Variants in CETP observed in about 807,000 individuals in gnomAD.
CETP encodes cholesteryl ester transfer protein, also known as BPI fold containing family F.
A neutral mutation model predicts 66.5 loss-of-function variants in CETP; 56 were observed. The observed-to-expected ratio is 0.84, with a 90% CI of 0.68 to 1.05. CETP has a LOEUF of 1.05. Among genes scored for constraint, CETP ranks in the 50% least tolerant of loss-of-function variants. The probability of loss-of-function intolerance (pLI) is 0.00; values close to 1 mark genes in which losing one functional copy is unlikely to be tolerated. For missense variants in CETP, 612 were observed against 609.6 expected (o/e 1.00, Z -0.04); for synonymous variants, 251 against 245.7 (o/e 1.02, Z -0.20).
Position 56,969,749 on chromosome 16 carries a change from G to A in CETP, c.439+68G>A, listed in dbSNP as rs35752722. On this transcript the variant is annotated intron_variant, in intron 4 of 15. Transcript: ENST00000200676. ...AGGGCTTGGCCTCAGCAGAGGGGGAGGTTGTGCAGGCAGAGGGTTCTGGGG... is the reference window on the plus strand; with the variant it reads ...AGGGCTTGGCCTCAGCAGAGGGGGAAGTTGTGCAGGCAGAGGGTTCTGGGG... 2.9e-4 allele frequency: 463 copies of A among 1,590,164 alleles called. 1 individual carries two copies. The African/African-American group carries it at 3.5e-3, about 12-fold the overall frequency.
In CETP at chr16:56,971,117, C is replaced by A; in HGVS notation, c.597+15C>A. 1 of 1,612,908 alleles carries A rather than the reference C, an allele frequency of 6.2e-7. No homozygotes were observed. Reference sequence around the variant, plus strand: ...TGAAGGGACAGGTGAGTGAGGCTGGCTGACTCCCTGTGGTCCAGGGCCATG... The same window carrying A: ...TGAAGGGACAGGTGAGTGAGGCTGGATGACTCCCTGTGGTCCAGGGCCATG... On this transcript the variant is annotated intron_variant, in intron 6 of 15. Coordinates refer to ENST00000200676, the MANE Select transcript of CETP (RefSeq NM_000078.3).
At chr16:56,979,519 T>G (rs1247614117) in intron 11 of CETP, among the ~76,000 whole-genome samples, 2 of 151,356 alleles carry the variant, frequency 1.3e-5, no homozygotes, top group African/African-American at 4.9e-5. Flanking sequence ...TATCTTCAAT[T>G]TTTTTTTTTG....
intron 10 of CETP, 84 bp downstream of exon 10, chr16:56,975,235 A>C: frequency 8.6e-7 from 1 of 1,165,692 alleles, no homozygotes; most frequent in Non-Finnish European, 1.3e-6. Context: ...ACAGCCAATA[A>C]CACCACCAAT....
At position 56,973,499 on chromosome 16, in the gene CETP, G is replaced by A; in HGVS notation, c.919G>A (p.Asp307Asn). ...CCGCCTCATGCTCAGCCTGATGGGAGACGAGTTCAAGGTGAGTGGGTGGGG... is the reference window on the plus strand; with the variant it reads ...CCGCCTCATGCTCAGCCTGATGGGAAACGAGTTCAAGGTGAGTGGGTGGGG... Reference protein sequence around the residue: ...DGRLMLSLMGDEFKAVLETWG... With the variant: ...DGRLMLSLMGNEFKAVLETWG... Residue 307 changes from aspartate (D) to asparagine (N), a missense_variant, in exon 9 of 16, where the codon GAC becomes AAC. By Grantham distance (23) the Asp-to-Asn change is conservative. Coordinates refer to ENST00000200676, the MANE Select transcript of CETP (RefSeq NM_000078.3). 6.2e-7 allele frequency: 1 copy of A among 1,614,172 alleles called. No individual in the cohort carries two copies. The highest frequency in any genetic ancestry group is 8.5e-7 in the Non-Finnish European group (1 of 1,180,034).
chr16:56,969,390 C>CA lies in CETP; in HGVS notation c.239dup (p.Ile81AspfsTer20), dbSNP rs2056091212. 1 of 1,613,952 alleles carries CA rather than the reference C, an allele frequency of 6.2e-7. No individual in the cohort carries two copies. ...CTCACTTCCATTCCTTCCCAGCATC[C>CA]AGATCAGCCACTTGTCCATCGCCAG... On this transcript the variant is annotated frameshift_variant, in exon 3 of 16. Coordinates refer to ENST00000200676, the MANE Select transcript of CETP (RefSeq NM_000078.3). LOFTEE classifies it high-confidence loss of function.
intron 1 of CETP, 36 bp from the exon 2 acceptor site, chr16:56,962,974 G>A (rs1470363222): frequency 6.3e-7 from 1 of 1,577,476 alleles, no homozygotes; most frequent in Non-Finnish European, 8.7e-7. Flanking sequence ...GCTTGGTGTG[G>A]GCCTGCAGCC....
chr16:56,970,111 A>T, intron 5 of CETP, 110 bp downstream of exon 5: 3 of 977,316 alleles, frequency 3.1e-6, no homozygotes, highest in Non-Finnish European at 4.7e-6. Flanking sequence ...GGGTGGCCAA[A>T]CCTGAGGGCA....
At chr16:56,967,707 A>G (rs529161015) in intron 2 of CETP, among the ~76,000 whole-genome samples, 1 of 152,202 alleles carries the variant, frequency 6.6e-6, no homozygotes, top group East Asian at 1.9e-4. Flanking sequence ...TAGAACTGAA[A>G]GAGGATTGGA....
chr16:56,981,736 A>G, intron 13 of CETP, 56 bp downstream of exon 13: 8 of 1,577,988 alleles, frequency 5.1e-6, no homozygotes, highest in Non-Finnish European at 7.0e-6. Context: ...TCCTGCCTTA[A>G]AGAAAGCAGG....
intron 5 of CETP, 150 bp downstream of exon 5, chr16:56,970,151 C>T (rs1434209629): frequency 2.8e-6 from 2 of 719,804 alleles, no homozygotes; most frequent in Non-Finnish European, 5.0e-6. Flanking sequence ...CACTTCCTAC[C>T]CCCTCCCATC....
At chr16:56,970,043 A>G in intron 5 of CETP, 42 bp downstream of exon 5, 1 of 1,584,052 alleles carries the variant, frequency 6.3e-7, no homozygotes. Flanking sequence ...GCTCGTGCCC[A>G]TCCTGTTAGT....
chr16:56,975,116 T>C lies in CETP; in HGVS notation c.946T>C (p.Trp316Arg). Residue 316 changes from tryptophan to arginine, a missense_variant, in exon 10 of 16, where the codon TGG becomes CGG. Physicochemically the swap from Trp to Arg is moderately radical, Grantham distance 101 (BLOSUM62 -3). Transcript: ENST00000200676. ...TTCTTTTCAGGCAGTGCTGGAGACC[T>C]GGGGCTTCAACACCAACCAGGAAAT... The part of the protein sequence containing the change: ...GDEFKAVLET[W>R]GFNTNQEIFQ... The C allele has an allele frequency of 1.9e-6, 3 of 1,614,134 alleles. No individual in the cohort carries two copies. Among genetic ancestry groups the C allele is most frequent in the South Asian group, 1.1e-5 (1 of 91,084 alleles).
chr16:56,974,170 AAAAC>A (rs2056133623), intron 9 of CETP, among the ~76,000 whole-genome samples: 1 of 152,152 alleles, frequency 6.6e-6, no homozygotes, highest in Non-Finnish European at 1.5e-5. Context: ...AAAACAATAT[AAAAC>A]AATATGAGAG....
chr16:56,962,897 C>G, intron 1 of CETP, 113 bp from the exon 2 acceptor site: 2 of 887,416 alleles, frequency 2.3e-6, no homozygotes, highest in Non-Finnish European at 3.7e-6. Context: ...AGCTTTAAGA[C>G]CTGCTGGGAG....
In CETP at chr16:56,983,696, G is replaced by A; in HGVS notation, c.*30G>A. The A allele has an allele frequency of 6.2e-7, 1 of 1,601,286 alleles. No homozygotes were observed. Among genetic ancestry groups the A allele is most frequent in the Admixed American group, 1.7e-5 (1 of 60,024 alleles). ...CTCCAAGGAGGTCGGGATGGGGCTT[G>A]TAGCAGAAGGCAAGCACCAGGCTCA... On this transcript the variant is annotated 3_prime_UTR_variant, in exon 16 of 16. Coordinates refer to ENST00000200676, the MANE Select transcript of CETP (RefSeq NM_000078.3).
At chr16:56,979,135 C>A (rs1159867111) in intron 11 of CETP, among the ~76,000 whole-genome samples, 1 of 152,014 alleles carries the variant, frequency 6.6e-6, no homozygotes, top group South Asian at 2.1e-4. Context: ...CCAATATTCT[C>A]CTCCTTAAGC....
intron 8 of CETP, among the ~76,000 whole-genome samples, 175 bp downstream of exon 8, chr16:56,972,258 C>T (rs1597001016): frequency 6.6e-6 from 1 of 152,282 alleles, no homozygotes; most frequent in East Asian, 1.9e-4. Context: ...GAGGGCAGGC[C>T]ACAGCGACGT....
chr16:56,963,132 G>A lies in CETP; in HGVS notation c.233+8G>A, dbSNP rs370185178. On this transcript the variant is annotated splice_region_variant and intron_variant, in intron 2 of 15. Transcript: ENST00000200676. ...CAAGTATGGGTTGCACAAGTGAGTC[G>A]GGCCTCGGGTGTGACCAGGCTGGGG... 9.9e-6 allele frequency: 16 copies of A among 1,610,892 alleles called. No homozygotes were observed. The highest frequency in any genetic ancestry group is 4.0e-5 in the African/African-American group (3 of 74,984).
At position 56,962,061 on chromosome 16, in the gene CETP, A is replaced by T; in HGVS notation, c.82A>T (p.Ile28Phe). 2.5e-6 allele frequency: 4 copies of T among 1,614,102 alleles called. No individual in the cohort carries two copies. Among genetic ancestry groups the T allele is most frequent in the Non-Finnish European group, 8.5e-7 (1 of 1,179,972 alleles). The change falls in exon 1 of 16, where the codon ATC becomes TTC. Residue 28 changes from isoleucine (I) to phenylalanine (F), a missense_variant. By Grantham distance (21) the Ile-to-Phe change is conservative. Transcript: ENST00000200676. ...CAAAGGCACCTCGCACGAGGCAGGCATCGTGTGCCGCATCACCAAGCCTGC... is the reference window on the plus strand; with the variant it reads ...CAAAGGCACCTCGCACGAGGCAGGCTTCGTGTGCCGCATCACCAAGCCTGC... ...CSKGTSHEAGIVCRITKPALL... is the reference protein window; with the variant it reads ...CSKGTSHEAGFVCRITKPALL...
Sources: allele counts gnomAD v4.1 joint callset (sites outside exome capture counted in the v4.1 genomes callset), GRCh38; gene constraint gnomAD v4.1.1; transcripts MANE v1.5; gene names NCBI Gene and HGNC (gene_info 2026-07-23, HGNC 2026-07-21).